Variants in PTPN22 observed in about 807,000 individuals in gnomAD.
The protein encoded by PTPN22 is protein tyrosine phosphatase non-receptor type 22.
In PTPN22, 85 loss-of-function variants were observed where a neutral mutation model predicts 103.3. The ratio of observed to expected loss-of-function variants is 0.82; its 90% CI spans 0.69 to 0.99. The LOEUF is 0.99. Among genes scored for constraint, PTPN22 ranks in the 50% least tolerant of loss-of-function variants. The pLI is 0.00. For synonymous variants in PTPN22, 323 were observed against 310.2 expected (o/e 1.04, Z -0.43); for missense variants, 865 against 936.9 (o/e 0.92, Z 1.00).
exon 4 of PTPN22, chr1:113,858,485 C>T (rs1459216157): frequency 1.9e-6 from 3 of 1,582,840 alleles, no homozygotes; most frequent in Non-Finnish European, 2.6e-6. Context: ...TACAAGGACA[C>T]TATATTCCCA....
chr1:113,834,217 A>T, intron 15 of PTPN22, 92 bp downstream of exon 15: 1 of 1,305,890 alleles, frequency 7.7e-7, no homozygotes, highest in Non-Finnish European at 1.1e-6. Context: ...GTATGTGCTT[A>T]GGATTTATTG....
At chr1:113,857,573 G>GA (rs11386228) in intron 5 of PTPN22, 165 bp downstream of exon 5, 231,533 of 508,080 alleles carry the variant, frequency 0.46, 40,492 homozygotes, top group African/African-American at 0.63. Flanking sequence ...ATTCTTAGGA[G>GA]AAAAAAAAAA....
chr1:113,848,684 A>G (rs1372705028), intron 10 of PTPN22, 58 bp from the exon 11 acceptor site: 1 of 1,505,170 alleles, frequency 6.6e-7, no homozygotes, highest in South Asian at 1.2e-5. Context: ...TTGGTGAACG[A>G]CAGGACCAGA....
chr1:113,825,179 A>G lies in PTPN22; in HGVS notation c.2251-7T>C. ...TTCGCAAAATTTTCAAACTCTACAA[A>G]AGAAAGGAAAAATGTTAGTTTTTTT... is the stretch of plus-strand genomic sequence containing the variant. On this transcript the variant is annotated splice_polypyrimidine_tract_variant and splice_region_variant and intron_variant, in intron 18 of 20. Coordinates refer to ENST00000359785, the Ensembl canonical transcript of PTPN22. The G allele has an allele frequency of 6.8e-7, 1 of 1,469,670 alleles. No homozygotes were observed. Among genetic ancestry groups the G allele is most frequent in the Non-Finnish European group, 9.3e-7 (1 of 1,071,628 alleles). The allele number at this position is 1,469,670 out of a possible 1,614,324, so 91.0% of individuals were successfully genotyped here. A position where few individuals can be genotyped will look rare whatever the true frequency, so the allele number is the denominator to read the frequency against.
At chr1:113,824,966 C>CAAAAA (rs35424386) in intron 19 of PTPN22, among the ~76,000 whole-genome samples, 176 bp downstream of exon 19, 76 of 64,748 alleles carry the variant, frequency 1.2e-3, no homozygotes, top group Middle Eastern at 7.9e-3. Context: ...TGAAGCCTAG[C>CAAAAA]AAAAAAAAAA....
At chr1:113,814,759 GCTTTT>G (rs1186818040) in exon 21 of PTPN22, 1 of 663,638 alleles carries the variant, frequency 1.5e-6, no homozygotes, top group African/African-American at 1.9e-5. Flanking sequence ...TTGGCATTTT[GCTTTT>G]CTTTTAAAAG....
intron 1 of PTPN22, among the ~76,000 whole-genome samples, chr1:113,869,033 A>C (rs1378322149): frequency 6.6e-6 from 1 of 152,132 alleles, no homozygotes; most frequent in Non-Finnish European, 1.5e-5. Context: ...CCTGGCCAAC[A>C]TGGTGGAACC....
At chr1:113,823,241 T>G (rs1661771143) in intron 19 of PTPN22, 1 of 152,216 alleles carries the variant, frequency 6.6e-6, no homozygotes, top group Admixed American at 6.5e-5. Flanking sequence ...TCAACAAATA[T>G]TCATTGAATG....
intron 10 of PTPN22, among the ~76,000 whole-genome samples, 155 bp from the exon 11 acceptor site, chr1:113,848,781 T>C (rs1459891861): frequency 6.6e-6 from 1 of 152,232 alleles, no homozygotes; most frequent in Non-Finnish European, 1.5e-5. Flanking sequence ...AACAATGCCT[T>C]ATGCTTACGT....
In PTPN22 at chr1:113,825,703, ATGT is replaced by A. The variant is rs752873236; in HGVS notation, c.2251-534_2251-532del. On this transcript the variant is annotated intron_variant, in intron 18 of 20. Transcript: ENST00000359785. ...CATGTCTTTTAAAAAAGATTAATAA[ATGT>A]TGTTGTTGTTGTTGTTGTTGTTGTT... 1.5e-3 allele frequency among the ~76,000 whole-genome samples: 223 copies of A among 151,108 alleles called. 2 individuals carry two copies. The highest frequency in any genetic ancestry group is 4.6e-3 in the Admixed American group (70 of 15,194).
chr1:113,837,686 T>C (rs1663140114), exon 13 of PTPN22: 1 of 1,602,972 alleles, frequency 6.2e-7, no homozygotes, highest in Non-Finnish European at 8.5e-7. Flanking sequence ...AAGAGGGATG[T>C]AGAGGATGTT....
exon 17 of PTPN22, chr1:113,829,973 A>G: frequency 6.2e-7 from 1 of 1,606,030 alleles, no homozygotes; most frequent in Non-Finnish European, 8.5e-7. Flanking sequence ...AGAAAGAAGG[A>G]CTCTAGAGTT....
At chr1:113,869,584 G>A (rs1239701981) in intron 1 of PTPN22, among the ~76,000 whole-genome samples, 2 of 152,092 alleles carry the variant, frequency 1.3e-5, no homozygotes, top group African/African-American at 4.8e-5. Context: ...TAGTAGAAAT[G>A]GGGTTTCATT....
At chr1:113,859,553 T>A in intron 1 of PTPN22, 93 bp from the exon 2 acceptor site, 1 of 988,260 alleles carries the variant, frequency 1.0e-6, no homozygotes, top group Non-Finnish European at 1.6e-6. Flanking sequence ...GGCAAAACAT[T>A]CTACCTCAAC....
chr1:113,858,639 CT>C, intron 3 of PTPN22, 66 bp from the exon 4 acceptor site: 1 of 991,006 alleles, frequency 1.0e-6, no homozygotes, highest in African/African-American at 1.7e-5. Flanking sequence ...TAGTCCTCCG[CT>C]TCCTTTTTTT....
intron 5 of PTPN22, chr1:113,856,851 T>C: frequency 2.0e-6 from 1 of 512,342 alleles, no homozygotes; most frequent in East Asian, 3.4e-5. Flanking sequence ...ATAGAAATCT[T>C]TGACCTATTT....
chr1:113,867,029 G>A (rs1016648174), intron 1 of PTPN22, among the ~76,000 whole-genome samples: 4 of 152,132 alleles, frequency 2.6e-5, no homozygotes, highest in African/African-American at 4.8e-5. Flanking sequence ...TTACAGGCGC[G>A]AGCCACCTCA....
chr1:113,871,482 T>C (rs1017940751), intron 1 of PTPN22, 55 bp downstream of exon 1: 37 of 1,466,020 alleles, frequency 2.5e-5, no homozygotes, highest in Non-Finnish European at 3.3e-5. Flanking sequence ...TGGACCCCCA[T>C]AGTCAGTTAA....
Position 113,856,668 on chromosome 1 carries a change from T to C in PTPN22, c.409-49A>G, listed in dbSNP as rs74163644. The C allele has an allele frequency of 1.8e-3, 2,871 of 1,612,528 alleles. 27 individuals are homozygous for C. The African/African-American group carries it at 0.023, about 13-fold the overall frequency. ...TGATTTCCCTCCATATATTCTAGTC[T>C]TTTCCACTCTCTCATTTGGAAGCAA... On this transcript the variant is annotated intron_variant, in intron 5 of 20. Transcript: ENST00000359785.
Sources: gnomAD v4.1 joint callset for allele counts (sites outside exome capture counted in the v4.1 genomes callset) on GRCh38, gnomAD v4.1.1 for gene constraint, MANE v1.5 for transcripts, NCBI Gene and HGNC (gene_info 2026-07-23, HGNC 2026-07-21) for gene names.